Variants in CDK19 observed in about 807,000 individuals in gnomAD.
CDK19 encodes cyclin-dependent kinase 19.
A neutral mutation model predicts 68.3 loss-of-function variants in CDK19; 20 were observed. The ratio of observed to expected loss-of-function variants is 0.29; its 90% CI spans 0.21 to 0.43. The LOEUF (loss-of-function observed/expected upper bound fraction) is 0.43. CDK19 is among the 20% of genes least tolerant of loss of function. CDK19 has a pLI of 1.00. For synonymous variants in CDK19, 221 were observed against 222.8 expected, an observed-to-expected ratio of 0.99 and a Z score of 0.07; for missense variants, 339 against 623.5, an observed-to-expected ratio of 0.54 and a Z score of 4.86.
intron 1 of CDK19, among the ~76,000 whole-genome samples, chr6:110,759,429 AT>A (rs1331652586): frequency 2.9e-4 from 14 of 48,984 alleles, no homozygotes; most frequent in Non-Finnish European, 3.6e-4. Context: ...AAAAAAAAAA[AT>A]ATATATATAT....
chr6:110,671,939 G>A (rs1387577915), intron 2 of CDK19, among the ~76,000 whole-genome samples: 2 of 151,986 alleles, frequency 1.3e-5, no homozygotes, highest in African/African-American at 4.8e-5. Context: ...CACCATGCCC[G>A]GCTAATTTTT....
At chr6:110,648,368 T>C (rs867769989) in intron 4 of CDK19, among the ~76,000 whole-genome samples, 5 of 152,012 alleles carry the variant, frequency 3.3e-5, no homozygotes, top group Admixed American at 6.6e-5. Flanking sequence ...AACTGAATAA[T>C]ATGAAAGAGT....
At chr6:110,734,520 G>GCTCTCTCTCTCTCTCCCTCTCT (rs1777055472) in intron 2 of CDK19, among the ~76,000 whole-genome samples, 1 of 85,734 alleles carries the variant, frequency 1.2e-5, no homozygotes, top group Non-Finnish European at 2.3e-5. Flanking sequence ...GGTGAGCACT[G>GCTCTCTCTCTCTCTCCCTCTCT]CTCTCTCTCT....
intron 2 of CDK19, among the ~76,000 whole-genome samples, chr6:110,697,796 G>A (rs1381642152): frequency 6.6e-6 from 1 of 152,156 alleles, no homozygotes; most frequent in Non-Finnish European, 1.5e-5. Context: ...AGAACAGCAT[G>A]GTACTGGCAT....
intron 2 of CDK19, among the ~76,000 whole-genome samples, chr6:110,688,367 T>C (rs995340897): frequency 4.0e-5 from 6 of 151,036 alleles, no homozygotes; most frequent in African/African-American, 1.2e-4. Context: ...TGCAGGGAAG[T>C]TTTTTTTCCC....
At chr6:110,752,273 T>G (rs3021298) in intron 1 of CDK19, among the ~76,000 whole-genome samples, 5,667 of 152,272 alleles carry the variant, frequency 0.037, 336 homozygotes, top group African/African-American at 0.13. Context: ...CCCACAATTA[T>G]CAACTCGTGG....
intron 1 of CDK19, among the ~76,000 whole-genome samples, chr6:110,799,012 T>G (rs926678703): frequency 6.6e-6 from 1 of 151,288 alleles, no homozygotes; most frequent in Non-Finnish European, 1.5e-5. Flanking sequence ...GGCGTGGTAG[T>G]GGGTGCCTTT....
At chr6:110,745,350 A>G (rs751755006) in intron 2 of CDK19, among the ~76,000 whole-genome samples, 3 of 152,162 alleles carry the variant, frequency 2.0e-5, no homozygotes, top group East Asian at 1.9e-4. Flanking sequence ...TATGATATAT[A>G]AAGACCAAAA....
intron 3 of CDK19, among the ~76,000 whole-genome samples, chr6:110,669,179 C>T (rs942841168): frequency 6.6e-6 from 1 of 151,562 alleles, no homozygotes; most frequent in African/African-American, 2.4e-5. Context: ...AAGAATTGAA[C>T]AAAAAAAACA....
intron 2 of CDK19, among the ~76,000 whole-genome samples, chr6:110,709,948 TAATA>T (rs901259390): frequency 6.6e-6 from 1 of 152,154 alleles, no homozygotes; most frequent in African/African-American, 2.4e-5. Flanking sequence ...TTTCCCAAGC[TAATA>T]AATAGGTTTG....
intron 6 of CDK19, among the ~76,000 whole-genome samples, chr6:110,629,397 C>G (rs1327769111): frequency 6.6e-6 from 1 of 152,172 alleles, no homozygotes; most frequent in African/African-American, 2.4e-5. Context: ...CACTGCCACT[C>G]CCCTCCCCAA....
intron 4 of CDK19, among the ~76,000 whole-genome samples, chr6:110,658,367 C>T (rs771324448): frequency 6.6e-6 from 1 of 152,188 alleles, no homozygotes; most frequent in African/African-American, 2.4e-5. Flanking sequence ...ACTTTGCTTT[C>T]TGATTGCTAA....
At chr6:110,726,326 T>TTG (rs1314731633) in intron 2 of CDK19, among the ~76,000 whole-genome samples, 2 of 152,202 alleles carry the variant, frequency 1.3e-5, no homozygotes, top group East Asian at 3.9e-4. Flanking sequence ...TACCAGGTCC[T>TTG]TGTCCCAGAA....
At chr6:110,765,381 C>T (rs1273439379) in intron 1 of CDK19, among the ~76,000 whole-genome samples, 2 of 145,270 alleles carry the variant, frequency 1.4e-5, no homozygotes, top group Admixed American at 1.4e-4. Flanking sequence ...TCCATATCAA[C>T]GAAAAGAAGA....
intron 2 of CDK19, among the ~76,000 whole-genome samples, chr6:110,734,522 T>TCC (rs759961255): frequency 1.9e-5 from 2 of 106,936 alleles, no homozygotes; most frequent in African/African-American, 6.6e-5. Context: ...TGAGCACTGC[T>TCC]CTCTCTCTCT....
At chr6:110,702,758 C>T (rs1774120026) in intron 2 of CDK19, among the ~76,000 whole-genome samples, 1 of 152,038 alleles carries the variant, frequency 6.6e-6, no homozygotes. Flanking sequence ...ATATATCTAT[C>T]TCTTTGGTAT....
chr6:110,763,608 T>C (rs530914921), intron 1 of CDK19, among the ~76,000 whole-genome samples: 1 of 151,538 alleles, frequency 6.6e-6, no homozygotes, highest in Non-Finnish European at 1.5e-5. Context: ...ACAGAAGGGG[T>C]TTCTCCATGT....
At position 110,612,940 on chromosome 6, in the gene CDK19, C is replaced by A. The variant is rs1164473573; in HGVS notation, c.*1595G>T. On this transcript the variant is annotated 3_prime_UTR_variant, in exon 13 of 13. Transcript: ENST00000368911. Reference sequence around the variant, plus strand: ...CTTATTTTACTTGTGTATGGACCCACAGTATCATAACCAGGTAGATAAGTT... The same window carrying A: ...CTTATTTTACTTGTGTATGGACCCAAAGTATCATAACCAGGTAGATAAGTT... 1 of 152,616 alleles carries A rather than the reference C, an allele frequency of 6.6e-6. No homozygotes were observed. Among genetic ancestry groups the A allele is most frequent in the South Asian group, 2.1e-4 (1 of 4,828 alleles). 9.5% of individuals were successfully genotyped at this position (152,616 alleles called of 1,614,324 possible). A position where few individuals can be genotyped will look rare whatever the true frequency, so the allele number is the denominator to read the frequency against.
intron 2 of CDK19, among the ~76,000 whole-genome samples, chr6:110,708,694 CTTTT>C (rs1313080969): frequency 2.0e-5 from 3 of 152,118 alleles, no homozygotes; most frequent in Non-Finnish European, 2.9e-5. Context: ...TGAGTGAAAA[CTTTT>C]TTTAATTTTG....
Sources: gnomAD v4.1 joint callset for allele counts (sites outside exome capture counted in the v4.1 genomes callset) on GRCh38, gnomAD v4.1.1 for gene constraint, MANE v1.5 for transcripts, NCBI Gene and HGNC (gene_info 2026-07-23, HGNC 2026-07-21) for gene names.